Variants in PPP6R2 observed in about 807,000 individuals in gnomAD.
PPP6R2 encodes the protein protein phosphatase 6 regulatory subunit 2.
Under a neutral mutation model 100.2 loss-of-function variants are expected in PPP6R2, and 62 were observed. The observed-to-expected ratio is 0.62, with a 90% CI of 0.50 to 0.76. The LOEUF (loss-of-function observed/expected upper bound fraction) is 0.76, where lower values mean the gene tolerates loss of function less well. Among genes scored for constraint, PPP6R2 ranks in the 30% least tolerant of loss-of-function variants. PPP6R2 has a pLI of 0.00. For synonymous variants in PPP6R2, 525 were observed against 514.7 expected (o/e 1.02, Z -0.27); for missense variants, 1,142 against 1,276.3 (o/e 0.89, Z 1.60).
chr22:50,404,695 C>T (rs1344303018), intron 3 of PPP6R2, among the ~76,000 whole-genome samples: 2 of 149,044 alleles, frequency 1.3e-5, no homozygotes, highest in Non-Finnish European at 3.0e-5. Context: ...TGCCCACCCT[C>T]CCAAAGTGCT....
At chr22:50,378,619 G>T (rs1044914558) in intron 2 of PPP6R2, among the ~76,000 whole-genome samples, 1 of 151,652 alleles carries the variant, frequency 6.6e-6, no homozygotes, top group African/African-American at 2.4e-5. Context: ...GAATGTTTAT[G>T]TCCCTCCAGA....
Position 50,437,484 on chromosome 22 carries a change from TCCC to T in PPP6R2, c.1684-21_1684-19del. 11 of 542,102 alleles carry T rather than the reference TCCC, an allele frequency of 2.0e-5. No individual in the cohort carries two copies. The highest frequency in any genetic ancestry group is 6.3e-5 in the Admixed American group (3 of 47,676). The allele number at this position is 542,102 out of a possible 1,614,324, so 33.6% of individuals were successfully genotyped here. A position where few individuals can be genotyped will look rare whatever the true frequency, so the allele number is the denominator to read the frequency against. On this transcript the variant is annotated intron_variant, in intron 15 of 23. Transcript: ENST00000612753. ...TCCATGACCGGTGTCTGTCCGTCCC[TCCC>T]TCCCTCCCTCCCTCCCAGGCCTTCT... is the stretch of plus-strand genomic sequence containing the variant.
intron 3 of PPP6R2, among the ~76,000 whole-genome samples, chr22:50,394,999 G>A (rs1229194262): frequency 6.6e-6 from 1 of 151,374 alleles, no homozygotes; most frequent in Admixed American, 6.6e-5. Flanking sequence ...GTTGGTACAC[G>A]TCAGAGTGTT....
chr22:50,415,882 T>C (rs2060462211), intron 5 of PPP6R2, among the ~76,000 whole-genome samples: 2 of 152,202 alleles, frequency 1.3e-5, no homozygotes, highest in African/African-American at 4.8e-5. Context: ...AGAGGGATGG[T>C]GGTCATCCTT....
At chr22:50,437,480 T>TGCC in intron 15 of PPP6R2, 26 bp from the exon 16 acceptor site, 2 of 728,386 alleles carry the variant, frequency 2.7e-6, no homozygotes, top group Non-Finnish European at 2.5e-6. Context: ...TGTCTGTCCG[T>TGCC]CCCTCCCTCC....
At chr22:50,357,505 T>TC (rs2046862884) in intron 1 of PPP6R2, among the ~76,000 whole-genome samples, 5 of 151,396 alleles carry the variant, frequency 3.3e-5, no homozygotes, top group African/African-American at 9.8e-5. Context: ...CTCTCTCTCT[T>TC]TCTTTTTTGA....
chr22:50,431,392 A>G lies in PPP6R2; in HGVS notation c.1335+10A>G. On this transcript the variant is annotated intron_variant, in intron 11 of 23. Coordinates refer to ENST00000612753, the MANE Select transcript of PPP6R2 (RefSeq NM_001242898.2). The surrounding 1 kb of genome is among the most constrained non-coding windows in gnomAD (Gnocchi z 4.8). ...CACAATGGTGACCCACGTGAGTCCA[A>G]GAAGCATCCATCTTATCAGCGCCAA... is the stretch of plus-strand genomic sequence containing the variant. The G allele has an allele frequency of 1.9e-6, 3 of 1,610,024 alleles. No individual in the cohort carries two copies. Among genetic ancestry groups the G allele is most frequent in the South Asian group, 2.2e-5 (2 of 91,008 alleles).
chr22:50,360,035 C>CTT lies in PPP6R2; in HGVS notation c.-147-11977_-147-11976dup, dbSNP rs142772215. On this transcript the variant is annotated intron_variant, in intron 1 of 23. Transcript: ENST00000612753. ...TTGATACAGAATTCTAGGTTAACAGCTTTTTTTTTCCCTTTCAGCACTTTT... is the reference window on the plus strand; with the variant it reads ...TTGATACAGAATTCTAGGTTAACAGCTTTTTTTTTTTCCCTTTCAGCACTTTT... 1.2e-4 allele frequency among the ~76,000 whole-genome samples: 17 copies of CTT among 144,802 alleles called. 1 individual carries two copies. The South Asian group carries it at 2.4e-3, about 20-fold the overall frequency. The allele number at this position is 144,802 out of a possible 152,430, so 95.0% of individuals were successfully genotyped here. A position where few individuals can be genotyped will look rare whatever the true frequency, so the allele number is the denominator to read the frequency against.
intron 1 of PPP6R2, among the ~76,000 whole-genome samples, chr22:50,364,150 G>A (rs1277886150): frequency 6.6e-6 from 1 of 151,998 alleles, no homozygotes; most frequent in Non-Finnish European, 1.5e-5. Context: ...GCCCACCTCG[G>A]CCTCCCAAAG....
intron 22 of PPP6R2, chr22:50,443,282 C>T (rs1159824354): frequency 2.6e-5 from 4 of 153,870 alleles, no homozygotes; most frequent in Admixed American, 1.3e-4. Context: ...AAACTTGCCA[C>T]TTAGAGCCCT....
At chr22:50,421,773 C>T (rs1451797851) in intron 8 of PPP6R2, among the ~76,000 whole-genome samples, 1 of 152,076 alleles carries the variant, frequency 6.6e-6, no homozygotes, top group Non-Finnish European at 1.5e-5. Context: ...GAGGCTGAGG[C>T]AGGAGAATCG....
the PPP6R2 span, among the ~76,000 whole-genome samples, chr22:50,332,165 A>T: frequency 3.3e-5 from 5 of 152,078 alleles, no homozygotes; most frequent in Non-Finnish European, 7.3e-5. Flanking sequence ...TTTTGGTGTC[A>T]TATCTAAGAA....
upstream of PPP6R2, among the ~76,000 whole-genome samples, chr22:50,341,335 A>C (rs1040300328): frequency 2.0e-5 from 3 of 152,112 alleles, no homozygotes; most frequent in Non-Finnish European, 4.4e-5. Flanking sequence ...TCGGCCAAGT[A>C]GCTGGGACCA....
chr22:50,399,666 C>T (rs998015662), intron 3 of PPP6R2, among the ~76,000 whole-genome samples: 2 of 152,276 alleles, frequency 1.3e-5, no homozygotes, highest in African/African-American at 2.4e-5. Context: ...GCCACTGACC[C>T]TGCTTAATTA....
chr22:50,398,168 T>C (rs1005489484), intron 3 of PPP6R2, among the ~76,000 whole-genome samples: 11 of 144,612 alleles, frequency 7.6e-5, no homozygotes, highest in East Asian at 4.0e-4. Context: ...CTCCATCTCT[T>C]TTTTTTTTTT....
At chr22:50,413,821 ACCCCAGC>A (rs958545646) in intron 4 of PPP6R2, among the ~76,000 whole-genome samples, 17 of 151,750 alleles carry the variant, frequency 1.1e-4, no homozygotes, top group African/African-American at 3.9e-4. Flanking sequence ...GGCTGGGTCT[ACCCCAGC>A]CCCCAGCCCA....
In PPP6R2 at chr22:50,438,707, T is replaced by G. The variant is rs1603417318; in HGVS notation, c.2073T>G (p.Gly691=). The G allele has an allele frequency of 6.2e-7, 1 of 1,613,322 alleles. No individual in the cohort carries two copies. Among genetic ancestry groups the G allele is most frequent in the Non-Finnish European group, 8.5e-7 (1 of 1,179,784 alleles). ...LEAHRDAPGA[G]APPAPGKKEA... is the part of the protein sequence containing the mutation. ...CACACAGAGATGCACCTGGGGCAGGTGCCCCACCGGCCCCCGGGAAGAAGG... is the reference window on the plus strand; with the variant it reads ...CACACAGAGATGCACCTGGGGCAGGGGCCCCACCGGCCCCCGGGAAGAAGG... The change falls in exon 19 of 24, where the codon GGT becomes GGG. Residue 691 remains glycine, a synonymous_variant. Transcript: ENST00000612753.
At chr22:50,410,917 G>T (rs185863403) in intron 4 of PPP6R2, among the ~76,000 whole-genome samples, 4 of 151,912 alleles carry the variant, frequency 2.6e-5, no homozygotes, top group African/African-American at 9.7e-5. Context: ...TCAGCCTCCC[G>T]CGTAGCCAGG....
At chr22:50,415,560 G>A (rs1242395099) in intron 5 of PPP6R2, among the ~76,000 whole-genome samples, 1 of 152,252 alleles carries the variant, frequency 6.6e-6, no homozygotes, top group Non-Finnish European at 1.5e-5. Flanking sequence ...CCCATTTTTG[G>A]ATAAGGAATT....
Sources: allele counts gnomAD v4.1 joint callset (sites outside exome capture counted in the v4.1 genomes callset), GRCh38; gene constraint gnomAD v4.1.1; non-coding constraint Gnocchi (gnomAD v3.1); transcripts MANE v1.5; gene names NCBI Gene and HGNC (gene_info 2026-07-23, HGNC 2026-07-21).